GARNL3: variants seen among roughly 807,000 people sequenced by gnomAD.
The protein encoded by GARNL3 is GTPase activating Rap/RanGAP domain like 3.
Under a neutral mutation model 125.0 loss-of-function variants are expected in GARNL3, and 63 were observed. That is an observed-to-expected ratio of 0.50 (90% confidence interval 0.41 to 0.62). GARNL3 has a LOEUF of 0.62. Ranked by LOEUF, GARNL3 falls within the 20% of genes least tolerant of loss-of-function variation. GARNL3 has a pLI of 0.00. For synonymous variants in GARNL3, 439 were observed against 457.5 expected, an observed-to-expected ratio of 0.96 and a Z score of 0.52; for missense variants, 994 against 1,244.0, an observed-to-expected ratio of 0.80 and a Z score of 3.02.
At chr9:127,360,037 T>C (rs1830902199) in intron 21 of GARNL3, among the ~76,000 whole-genome samples, 1 of 151,904 alleles carries the variant, frequency 6.6e-6, no homozygotes, top group Non-Finnish European at 1.5e-5. Flanking sequence ...GTTGTTGTTG[T>C]TGAGACTGAG....
At chr9:127,301,744 A>G (rs1407385917) in intron 2 of GARNL3, among the ~76,000 whole-genome samples, 1 of 151,842 alleles carries the variant, frequency 6.6e-6, no homozygotes, top group East Asian at 1.9e-4. Context: ...TTACCTTCAG[A>G]TGTGCTTGTC....
chr9:127,284,974 T>G (rs2064206709), intron 1 of GARNL3, among the ~76,000 whole-genome samples: 1 of 152,118 alleles, frequency 6.6e-6, no homozygotes, highest in Non-Finnish European at 1.5e-5. Flanking sequence ...GCCTCCCAAG[T>G]AGCTGGGACA....
chr9:127,332,165 C>CT, intron 7 of GARNL3, 109 bp from the exon 8 acceptor site: 1 of 739,376 alleles, frequency 1.4e-6, no homozygotes, highest in Non-Finnish European at 2.4e-6. Context: ...GATCCCCTGA[C>CT]TGTCCATCCT....
chr9:127,235,694 T>C (rs1011947041), intron 1 of GARNL3, among the ~76,000 whole-genome samples: 1 of 152,240 alleles, frequency 6.6e-6, no homozygotes, highest in African/African-American at 2.4e-5. Flanking sequence ...CTGTGTCATA[T>C]GTTGATAGGT....
At chr9:127,237,933 C>T (rs973777127) in intron 1 of GARNL3, among the ~76,000 whole-genome samples, 4 of 152,214 alleles carry the variant, frequency 2.6e-5, no homozygotes, top group African/African-American at 9.6e-5. Context: ...GATGGATTGT[C>T]TTTGCTCCTG....
At chr9:127,365,537 G>T (rs995407925) in intron 22 of GARNL3, among the ~76,000 whole-genome samples, 171 bp downstream of exon 22, 1 of 151,954 alleles carries the variant, frequency 6.6e-6, no homozygotes, top group Non-Finnish European at 1.5e-5. Flanking sequence ...CTCCCGCTGC[G>T]CACCAGGCCT....
upstream of GARNL3, chr9:127,263,907 G>A: frequency 1.4e-5 from 20 of 1,458,316 alleles, no homozygotes; most frequent in Non-Finnish European, 1.8e-5. Flanking sequence ...TCAGTTCTCT[G>A]GTTGCTAAAC....
intron 4 of GARNL3, among the ~76,000 whole-genome samples, chr9:127,317,276 A>G (rs909630246): frequency 1.3e-5 from 2 of 152,240 alleles, no homozygotes; most frequent in African/African-American, 4.8e-5. Context: ...ACACAGATAA[A>G]TGTAAAAGTG....
chr9:127,289,655 G>A (rs2064355614), intron 1 of GARNL3, among the ~76,000 whole-genome samples: 1 of 152,188 alleles, frequency 6.6e-6, no homozygotes, highest in Admixed American at 6.5e-5. Flanking sequence ...GATACTGTGT[G>A]ACCCAAAGCC....
chr9:127,387,009 G>C lies in GARNL3; in HGVS notation c.2389-184G>C. 4 of 527,880 alleles carry C rather than the reference G, an allele frequency of 7.6e-6. No homozygotes were observed. The South Asian group carries it at 1.4e-4, about 19-fold the overall frequency. 32.7% of individuals were successfully genotyped at this position (527,880 alleles called of 1,614,324 possible). ...GGGGAGTGGAATACTCAGGAAAAGTGTAACTAGCCACGCTGGGCTTTCCTC... is the reference window on the plus strand; with the variant it reads ...GGGGAGTGGAATACTCAGGAAAAGTCTAACTAGCCACGCTGGGCTTTCCTC... On this transcript the variant is annotated intron_variant, in intron 24 of 27. Transcript: ENST00000373387.
intron 1 of GARNL3, among the ~76,000 whole-genome samples, chr9:127,225,591 G>T (rs1564831488): frequency 6.6e-6 from 1 of 151,792 alleles, no homozygotes; most frequent in Non-Finnish European, 1.5e-5. Flanking sequence ...CGCGGGAGGT[G>T]CAGGGACGGG....
rs1203063551 is a variant in GARNL3, at chr9:127,293,794, C to A, written c.219+2552C>A. On this transcript the variant is annotated intron_variant, in intron 2 of 27. Coordinates refer to ENST00000373387, the MANE Select transcript of GARNL3 (RefSeq NM_032293.5). ...GAAAATTTTTAGGAATAATATAAAGCCTAAGATGAGTTGCTTTTTGGTAGG... is the reference window on the plus strand; with the variant it reads ...GAAAATTTTTAGGAATAATATAAAGACTAAGATGAGTTGCTTTTTGGTAGG... Among the ~76,000 whole-genome samples, 7 of 152,228 alleles carry A rather than the reference C, an allele frequency of 4.6e-5. No homozygotes were observed. The East Asian group carries it at 1.3e-3, about 29-fold the overall frequency.
At chr9:127,281,821 A>G (rs1045191346) in intron 1 of GARNL3, among the ~76,000 whole-genome samples, 1 of 152,204 alleles carries the variant, frequency 6.6e-6, no homozygotes, top group African/African-American at 2.4e-5. Flanking sequence ...GAATAGTAGT[A>G]CTTTCTAAGT....
Position 127,330,934 on chromosome 9 carries a change from G to A in GARNL3, c.595-1340G>A, listed in dbSNP as rs189067600. On this transcript the variant is annotated intron_variant, in intron 7 of 27. Transcript: ENST00000373387. ...GCACAGCCTTAGAACTTGGATTTTCGGATTTTTAATACTCTCAGATCCAGC... is the reference window on the plus strand; with the variant it reads ...GCACAGCCTTAGAACTTGGATTTTCAGATTTTTAATACTCTCAGATCCAGC... Among the ~76,000 whole-genome samples, 390 of 152,152 alleles carry A rather than the reference G, an allele frequency of 2.6e-3. 3 individuals are homozygous for A. Among genetic ancestry groups the A allele is most frequent in the African/African-American group, 8.8e-3 (367 of 41,506 alleles).
At position 127,392,407 on chromosome 9, in the gene GARNL3, G is replaced by GT. The variant is rs1832915749; in HGVS notation, c.2871-675dup. Among the ~76,000 whole-genome samples the GT allele has an allele frequency of 6.6e-6, 1 of 152,236 alleles. No individual in the cohort carries two copies. The highest frequency in any genetic ancestry group is 2.1e-4 in the South Asian group (1 of 4,828). ...CATTGGGCTGGGCTTGGAATAAACG[G>GT]TAAGAAGCTAGGGGAACAGCCCTTC... On this transcript the variant is annotated intron_variant, in intron 27 of 27. Coordinates refer to ENST00000373387, the MANE Select transcript of GARNL3 (RefSeq NM_032293.5). The surrounding 1 kb of genome is among the most constrained non-coding windows in gnomAD (Gnocchi z 5.2).
chr9:127,313,642 TTTCTTCCAGGGCATGCCTCATAGTC>T, intron 4 of GARNL3, 83 bp downstream of exon 4: 1 of 938,692 alleles, frequency 1.1e-6, no homozygotes, highest in Admixed American at 1.7e-5. Context: ...TGTGTGCCAG[TTTCTTCCAGGGCATGCCTCATAGTC>T]TTCTCGTGAT....
At chr9:127,373,014 CTAAT>C (rs1348735049) in intron 22 of GARNL3, among the ~76,000 whole-genome samples, 3 of 152,132 alleles carry the variant, frequency 2.0e-5, no homozygotes, top group African/African-American at 7.2e-5. Context: ...TTTGTGTTAC[CTAAT>C]AGATAATTTG....
At chr9:127,230,208 G>T (rs2062977242) in intron 1 of GARNL3, among the ~76,000 whole-genome samples, 1 of 152,228 alleles carries the variant, frequency 6.6e-6, no homozygotes, top group Admixed American at 6.5e-5. Context: ...TGTGAACTTG[G>T]ACAAATTGCG....
chr9:127,306,376 A>G (rs1221935474), intron 2 of GARNL3, among the ~76,000 whole-genome samples: 4 of 152,154 alleles, frequency 2.6e-5, no homozygotes, highest in Non-Finnish European at 5.9e-5. Context: ...CGAGGTCAGG[A>G]GTTCGAGACC....
Sources: allele counts gnomAD v4.1 joint callset (sites outside exome capture counted in the v4.1 genomes callset), GRCh38; gene constraint gnomAD v4.1.1; non-coding constraint Gnocchi (gnomAD v3.1); transcripts MANE v1.5; gene names NCBI Gene and HGNC (gene_info 2026-07-23, HGNC 2026-07-21).